Variants in NOL9 observed in about 807,000 individuals in gnomAD.
The protein encoded by NOL9 is polynucleotide 5'-hydroxyl-kinase NOL9.
Under a neutral mutation model 67.9 loss-of-function variants are expected in NOL9, and 28 were observed. The observed-to-expected ratio is 0.41, with a 90% CI of 0.31 to 0.57. The LOEUF (loss-of-function observed/expected upper bound fraction) is 0.57. NOL9 is among the 20% of genes least tolerant of loss of function. The probability of loss-of-function intolerance (pLI) is 0.25; values close to 1 mark genes in which losing one functional copy is unlikely to be tolerated. For synonymous variants in NOL9, 356 were observed against 352.2 expected (o/e 1.01, Z -0.12); for missense variants, 777 against 897.0 (o/e 0.87, Z 1.71).
intron 1 of NOL9, among the ~76,000 whole-genome samples, chr1:6,553,671 T>C (rs1252858798): frequency 2.6e-5 from 4 of 151,534 alleles, no homozygotes; most frequent in Non-Finnish European, 4.4e-5. Flanking sequence ...GAAACCCCGT[T>C]TCTACTAAAA....
At chr1:6,533,746 C>A (rs182741083) in intron 6 of NOL9, among the ~76,000 whole-genome samples, 2 of 152,222 alleles carry the variant, frequency 1.3e-5, no homozygotes, top group African/African-American at 4.8e-5. Context: ...TGGGACATAT[C>A]TGTAAACAAA....
chr1:6,551,831 A>G (rs1176175050), intron 1 of NOL9, among the ~76,000 whole-genome samples: 1 of 152,038 alleles, frequency 6.6e-6, no homozygotes, highest in Admixed American at 6.6e-5. Context: ...GGAGATCAAG[A>G]CCATCCAGGC....
intron 9 of NOL9, 45 bp downstream of exon 9, chr1:6,531,923 G>A: frequency 3.4e-6 from 5 of 1,474,202 alleles, no homozygotes; most frequent in Non-Finnish European, 4.8e-6. Context: ...AACCACACAA[G>A]TGTGTAACAA....
Position 6,529,362 on chromosome 1 carries a change from G to A in NOL9, c.1648-191C>T, listed in dbSNP as rs148928378. On this transcript the variant is annotated intron_variant, in intron 9 of 11. Coordinates refer to ENST00000377705, the MANE Select transcript of NOL9 (RefSeq NM_024654.5). Reference sequence around the variant, plus strand: ...TCCCAGCACTTTGGGAGGCCGACGCGGGTGGATCACGAGGTCAGGAGTTCA... The same window carrying A: ...TCCCAGCACTTTGGGAGGCCGACGCAGGTGGATCACGAGGTCAGGAGTTCA... Among the ~76,000 whole-genome samples the A allele has an allele frequency of 9.6e-4, 146 of 152,226 alleles. 1 individual carries two copies. The East Asian group carries it at 0.018, about 19-fold the overall frequency.
intron 9 of NOL9, among the ~76,000 whole-genome samples, chr1:6,529,395 C>A (rs1266513028): frequency 6.6e-6 from 1 of 151,972 alleles, no homozygotes; most frequent in Non-Finnish European, 1.5e-5. Flanking sequence ...TCAAGACCAG[C>A]CTGACCAACG....
intron 2 of NOL9, 71 bp downstream of exon 2, chr1:6,550,325 C>A (rs559015061): frequency 1.1e-5 from 15 of 1,399,940 alleles, no homozygotes; most frequent in Non-Finnish European, 1.5e-5. Flanking sequence ...GCCACCGCGC[C>A]TGGCCCTAAA....
chr1:6,545,421 A>T (rs1360362704), intron 3 of NOL9, among the ~76,000 whole-genome samples: 1 of 152,192 alleles, frequency 6.6e-6, no homozygotes, highest in Non-Finnish European at 1.5e-5. Context: ...GACTCCAGAG[A>T]AAAAGAAAAT....
chr1:6,542,647 C>T (rs1308286000), intron 5 of NOL9, among the ~76,000 whole-genome samples: 7 of 150,958 alleles, frequency 4.6e-5, no homozygotes, highest in East Asian at 2.0e-4. Flanking sequence ...TTAGTAGAGA[C>T]GGGGTTTCAC....
chr1:6,549,419 A>G, intron 3 of NOL9, 152 bp downstream of exon 3: 3 of 809,422 alleles, frequency 3.7e-6, no homozygotes, highest in Non-Finnish European at 5.6e-6. Flanking sequence ...ACACCTTTCT[A>G]TAATAGTTTC....
intron 9 of NOL9, among the ~76,000 whole-genome samples, chr1:6,529,729 C>G (rs1638978467): frequency 6.6e-6 from 1 of 152,096 alleles, no homozygotes; most frequent in African/African-American, 2.4e-5. Flanking sequence ...AATTTGAGAC[C>G]AGCCTGGCCA....
rs1217470102 is a variant in NOL9 at position 6,543,047 on chromosome 1, C to A, written c.978-1120G>T. ...TAGCTGGGACCACAGGCACATGCCA[C>A]CATGCCTGACTAATTTCTAAATTTT... is the stretch of plus-strand genomic sequence containing the variant. On this transcript the variant is annotated intron_variant, in intron 5 of 11. Coordinates refer to ENST00000377705, the MANE Select transcript of NOL9 (RefSeq NM_024654.5). 2.0e-5 allele frequency among the ~76,000 whole-genome samples: 3 copies of A among 151,968 alleles called. No individual in the cohort carries two copies. The East Asian group carries it at 5.8e-4, about 29-fold the overall frequency.
intron 1 of NOL9, among the ~76,000 whole-genome samples, chr1:6,552,516 A>G (rs10779792): frequency 0.98 from 148,377 of 152,176 alleles, 72,446 homozygotes; most frequent in Non-Finnish European, 1. Context: ...TCCACCTCCC[A>G]GGTTAAAGCA....
Position 6,524,107 on chromosome 1 carries a change from G to C in NOL9, c.*1747C>G, listed in dbSNP as rs1252003608. The C allele has an allele frequency of 3.3e-5, 5 of 152,318 alleles. No homozygotes were observed. The highest frequency in any genetic ancestry group is 1.2e-4 in the African/African-American group (5 of 41,576). 9.4% of individuals were successfully genotyped at this position (152,318 alleles called of 1,614,324 possible). Reference sequence around the variant, plus strand: ...TTCAACATAAATAAGGGGCAACTAAGAAGCTAGACTCAATTGTCTCAAAGG... The same window carrying C: ...TTCAACATAAATAAGGGGCAACTAACAAGCTAGACTCAATTGTCTCAAAGG... On this transcript the variant is annotated 3_prime_UTR_variant, in exon 12 of 12. Transcript: ENST00000377705.
chr1:6,549,373 G>A, intron 3 of NOL9, 198 bp downstream of exon 3: 1 of 523,672 alleles, frequency 1.9e-6, no homozygotes, highest in South Asian at 3.4e-5. Flanking sequence ...GCTCAGGTAT[G>A]AAACTAAGGA....
Position 6,532,780 on chromosome 1 carries a change from G to C in NOL9, c.1238-20C>G. ...CCTGGTCTGTGGGGAAGAGACATTA[G>C]CACAGCTGATACACTCAAGAACAGT... On this transcript the variant is annotated intron_variant, in intron 7 of 11. Coordinates refer to ENST00000377705, the MANE Select transcript of NOL9 (RefSeq NM_024654.5). 1 of 1,599,374 alleles carries C rather than the reference G, an allele frequency of 6.3e-7. No individual in the cohort carries two copies. Among genetic ancestry groups the C allele is most frequent in the Non-Finnish European group, 8.5e-7 (1 of 1,171,396 alleles).
At chr1:6,548,855 G>A (rs1639477395) in intron 3 of NOL9, among the ~76,000 whole-genome samples, 1 of 152,084 alleles carries the variant, frequency 6.6e-6, no homozygotes, top group Non-Finnish European at 1.5e-5. Flanking sequence ...GCAGAGGTGG[G>A]CAGATCACCT....
At chr1:6,530,586 AGT>A (rs1639002460) in intron 9 of NOL9, among the ~76,000 whole-genome samples, 1 of 152,242 alleles carries the variant, frequency 6.6e-6, no homozygotes, top group Non-Finnish European at 1.5e-5. Flanking sequence ...CCATTAGCAA[AGT>A]GACTTAGACT....
chr1:6,522,197 A>G lies in NOL9; in HGVS notation c.*3657T>C, dbSNP rs958235125. 1.3e-5 allele frequency: 2 copies of G among 152,152 alleles called. No homozygotes were observed. Among genetic ancestry groups the G allele is most frequent in the Admixed American group, 1.3e-4 (2 of 15,260 alleles). The allele number at this position is 152,152 out of a possible 1,614,324, so 9.4% of individuals were successfully genotyped here. On this transcript the variant is annotated 3_prime_UTR_variant, in exon 12 of 12. Coordinates refer to ENST00000377705, the MANE Select transcript of NOL9 (RefSeq NM_024654.5). ...CATCTCTACTAAAAATACAAAAAAA[A>G]TTAGCTAGTGTAGTGGCGGGCGCCT...
At chr1:6,537,519 C>G (rs1557787243) in intron 6 of NOL9, among the ~76,000 whole-genome samples, 1 of 152,082 alleles carries the variant, frequency 6.6e-6, no homozygotes, top group Non-Finnish European at 1.5e-5. Context: ...ACAAGAAACT[C>G]AACAGCAAGA....
Sources: gnomAD v4.1 joint callset for allele counts (sites outside exome capture counted in the v4.1 genomes callset) on GRCh38, gnomAD v4.1.1 for gene constraint, MANE v1.5 for transcripts, NCBI Gene and HGNC (gene_info 2026-07-23, HGNC 2026-07-21) for gene names.